Variants in PTPRS observed in about 807,000 individuals in gnomAD.
PTPRS encodes receptor-type tyrosine-protein phosphatase S.
In PTPRS, 63 loss-of-function variants were observed where a neutral mutation model predicts 215.3. That is an observed-to-expected ratio of 0.29 (90% CI 0.24 to 0.36). The LOEUF is 0.36. Among genes scored for constraint, PTPRS ranks in the 10% least tolerant of loss-of-function variants. PTPRS has a pLI of 1.00. For synonymous variants in PTPRS, 1,404 were observed against 1,191.4 expected, an observed-to-expected ratio of 1.18 and a Z score of -3.68; for missense variants, 2,258 against 2,825.8, an observed-to-expected ratio of 0.80 and a Z score of 4.56.
At chr19:5,313,490 C>T (rs1444405344) in intron 1 of PTPRS, among the ~76,000 whole-genome samples, 1 of 152,220 alleles carries the variant, frequency 6.6e-6, no homozygotes, top group East Asian at 1.9e-4. Flanking sequence ...AAACAAATCG[C>T]TGCCAGTCTC....
rs777230404 is a variant in PTPRS at position 5,214,403 on chromosome 19, G to A, written c.4572C>T (p.Ile1524=). 35 of 1,614,034 alleles carry A rather than the reference G, an allele frequency of 2.2e-5. No homozygotes were observed. Among genetic ancestry groups the A allele is most frequent in the South Asian group, 1.4e-4 (13 of 91,096 alleles). The change falls in exon 30 of 38, where the codon ATC becomes ATT. Residue 1524 remains isoleucine, a synonymous_variant. Transcript: ENST00000262963. The stretch of plus-strand genomic sequence containing the variant: ...TCCTGACGCAGAATGTGGCCAGCTC[G>A]ATGGTATCTAGCAACGTGACCTGGA... The part of the protein sequence containing the change: ...GFIQVTLLDT[I]ELATFCVRTF...
chr19:5,210,669 C>A lies in PTPRS; in HGVS notation c.5361+10G>T, dbSNP rs760692982. The A allele has an allele frequency of 6.2e-7, 1 of 1,614,166 alleles. No homozygotes were observed. ...GCCCTCGCCCTTCCCTGCTGTGGCCCCTAGCTCACCCGGCCCATCTCCCGC... is the reference window on the plus strand; with the variant it reads ...GCCCTCGCCCTTCCCTGCTGTGGCCACTAGCTCACCCGGCCCATCTCCCGC... On this transcript the variant is annotated intron_variant, in intron 34 of 37. Coordinates refer to ENST00000262963, the MANE Select transcript of PTPRS (RefSeq NM_002850.4). This position sits in a 1 kb window ranked among gnomAD's most constrained non-coding sequence, Gnocchi z 4.5.
chr19:5,244,050 T>C lies in PTPRS; in HGVS notation c.1421A>G (p.Asn474Ser). The change falls in exon 11 of 38, where the codon AAC becomes AGC. Residue 474 changes from asparagine to serine, a missense_variant. Transcript: ENST00000262963. The surrounding 1 kb of genome is among the most constrained non-coding windows in gnomAD (Gnocchi z 7.2). ...YTMEPEHPVG[N>S]WQKHNVDDSL... ...GTCGTCCACGTTGTGCTTCTGCCAG[T>C]TGCCCACGGGGTGCTCCGGTTCCAT... is the stretch of plus-strand genomic sequence containing the variant. The C allele has an allele frequency of 1.2e-6, 2 of 1,610,414 alleles. No individual in the cohort carries two copies. The highest frequency in any genetic ancestry group is 1.7e-6 in the Non-Finnish European group (2 of 1,179,900).
In PTPRS at chr19:5,244,971, T is replaced by TTTTTC. The variant is rs1311090703; in HGVS notation, c.989-494_989-490dup. On this transcript the variant is annotated intron_variant, in intron 10 of 37. Coordinates refer to ENST00000262963, the MANE Select transcript of PTPRS (RefSeq NM_002850.4). This position sits in a 1 kb window ranked among gnomAD's most constrained non-coding sequence, Gnocchi z 7.2. ...GTGTGAGCCACCGCACCCGGCCTTT[T>TTTTTC]TTTTCTTTTTTCTTTTTTTTTTTTT... is the stretch of plus-strand genomic sequence containing the variant. 1.4e-5 allele frequency among the ~76,000 whole-genome samples: 2 copies of TTTTTC among 145,820 alleles called. No individual in the cohort carries two copies. The highest frequency in any genetic ancestry group is 5.3e-5 in the African/African-American group (2 of 38,032).
At chr19:5,317,605 C>T (rs2049912165) in intron 1 of PTPRS, among the ~76,000 whole-genome samples, 1 of 152,214 alleles carries the variant, frequency 6.6e-6, no homozygotes, top group African/African-American at 2.4e-5. Flanking sequence ...AGATTTTCCA[C>T]TGGTCCAGGT....
rs945664700 is a variant in PTPRS, at chr19:5,326,581, G to A, written c.-95+14083C>T. Among the ~76,000 whole-genome samples, 3 of 152,078 alleles carry A rather than the reference G, an allele frequency of 2.0e-5. No individual in the cohort carries two copies. In the South Asian group the frequency reaches 6.2e-4, roughly 31 times the overall value. ...CGTGCCTGTAATCCCAGCGCTTTGC[G>A]AGGCTGAGGCGGGAGGATCGCCTGA... On this transcript the variant is annotated intron_variant, in intron 1 of 37. Coordinates refer to ENST00000262963, the MANE Select transcript of PTPRS (RefSeq NM_002850.4).
At chr19:5,327,920 C>A (rs1011699407) in intron 1 of PTPRS, among the ~76,000 whole-genome samples, 6 of 152,052 alleles carry the variant, frequency 3.9e-5, no homozygotes, top group African/African-American at 1.2e-4. Flanking sequence ...CTCTTAAAAT[C>A]ATCTGGCCCA....
At chr19:5,283,004 A>G (rs2047997697) in intron 2 of PTPRS, among the ~76,000 whole-genome samples, 3 of 152,206 alleles carry the variant, frequency 2.0e-5, no homozygotes, top group Non-Finnish European at 4.4e-5. Context: ...GGTATTGCCA[A>G]TATCAAAAAA....
intron 36 of PTPRS, 35 bp from the exon 37 acceptor site, chr19:5,208,092 G>A (rs571188959): frequency 2.7e-5 from 43 of 1,601,694 alleles, no homozygotes; most frequent in Non-Finnish European, 3.6e-5. Context: ...CCATTCAGGG[G>A]CAGGTGCTGG....
intron 7 of PTPRS, among the ~76,000 whole-genome samples, chr19:5,258,794 T>C (rs1377754613): frequency 6.6e-6 from 1 of 152,188 alleles, no homozygotes; most frequent in Non-Finnish European, 1.5e-5. Flanking sequence ...TCAAGTATGT[T>C]TGAGATCAAA....
chr19:5,223,017 C>G lies in PTPRS; in HGVS notation c.2775G>C (p.Glu925Asp). ...EEAAEVLSIP[E>D]DTPRGHPQIL... ...TCTGCGGGTGGCCACGGGGCGTGTC[C>G]TCCGGGATGCTCAGGACCTCGGCTG... is the stretch of plus-strand genomic sequence containing the variant. Residue 925 changes from glutamate to aspartate, a missense_variant, in exon 18 of 38, where the codon GAG becomes GAC. Physicochemically the swap from Glu to Asp is conservative, Grantham distance 45. Coordinates refer to ENST00000262963, the MANE Select transcript of PTPRS (RefSeq NM_002850.4). 7 of 1,544,344 alleles carry G rather than the reference C, an allele frequency of 4.5e-6. No individual in the cohort carries two copies. Among genetic ancestry groups the G allele is most frequent in the Non-Finnish European group, 6.1e-6 (7 of 1,147,056 alleles).
rs62115087 is a variant in PTPRS at position 5,237,901 on chromosome 19, C to T, written c.1849+1018G>A. Among the ~76,000 whole-genome samples, 33,177 of 151,998 alleles carry T rather than the reference C, an allele frequency of 0.22. 4,605 individuals carry two copies. The highest frequency in any genetic ancestry group is 0.32 in the Non-Finnish European group (21,834 of 67,932). ...AGGCGCCCCACCCCCCCGATCCCAG[C>T]GGCTCAGATGCCCCGGCTGGAGTTG... On this transcript the variant is annotated intron_variant, in intron 13 of 37. Transcript: ENST00000262963. This position sits in a 1 kb window ranked among gnomAD's most constrained non-coding sequence, Gnocchi z 4.2.
Position 5,287,677 on chromosome 19 carries a change from C to T in PTPRS, c.-94-1443G>A, listed in dbSNP as rs1175485438. Among the ~76,000 whole-genome samples, 2 of 152,098 alleles carry T rather than the reference C, an allele frequency of 1.3e-5. No individual in the cohort carries two copies. Among genetic ancestry groups the T allele is most frequent in the African/African-American group, 2.4e-5 (1 of 41,418 alleles). On this transcript the variant is annotated intron_variant, in intron 1 of 37. Transcript: ENST00000262963. This position sits in a 1 kb window ranked among gnomAD's most constrained non-coding sequence, Gnocchi z 4.8. The stretch of plus-strand genomic sequence containing the variant: ...CCAAAATACCCAGCTGCGGTCACCT[C>T]GCCCAGCCCTGGGGCGGTCCCAGGG...
rs182738254 is a variant in PTPRS, at chr19:5,331,869, G to A, written c.-95+8795C>T. Among the ~76,000 whole-genome samples the A allele has an allele frequency of 6.1e-4, 93 of 152,242 alleles. 1 individual carries two copies. Among genetic ancestry groups the A allele is most frequent in the African/African-American group, 2.0e-3 (83 of 41,548 alleles). ...AATATAATCAGAGCCAACGTTTATC[G>A]AGCGCGGACGCTGGCCCAGGCCCTG... On this transcript the variant is annotated intron_variant, in intron 1 of 37. Transcript: ENST00000262963.
intron 13 of PTPRS, among the ~76,000 whole-genome samples, chr19:5,238,144 C>T (rs1418474205): frequency 3.9e-5 from 6 of 152,220 alleles, no homozygotes; most frequent in Admixed American, 3.3e-4. Flanking sequence ...CTGGGCTGAG[C>T]GGAGCCAGGG....
chr19:5,312,899 C>A (rs559745365), intron 1 of PTPRS, among the ~76,000 whole-genome samples: 3 of 152,206 alleles, frequency 2.0e-5, no homozygotes, highest in Admixed American at 2.0e-4. Context: ...GGCTGCTGAG[C>A]CCCAAAACCT....
chr19:5,293,728 C>G lies in PTPRS; in HGVS notation c.-94-7494G>C, dbSNP rs976905059. 3.9e-5 allele frequency among the ~76,000 whole-genome samples: 6 copies of G among 152,154 alleles called. No homozygotes were observed. The highest frequency in any genetic ancestry group is 7.4e-5 in the Non-Finnish European group (5 of 68,020). ...GGGGGCGGGGGGCGTCCCCTCTTCC[C>G]CCTCTTAGACCAGAGGGTAGGGGAG... On this transcript the variant is annotated intron_variant, in intron 1 of 37. Transcript: ENST00000262963. This position sits in a 1 kb window ranked among gnomAD's most constrained non-coding sequence, Gnocchi z 8.4.
At chr19:5,329,673 G>A (rs1236395923) in intron 1 of PTPRS, among the ~76,000 whole-genome samples, 1 of 152,016 alleles carries the variant, frequency 6.6e-6, no homozygotes, top group Non-Finnish European at 1.5e-5. Flanking sequence ...GCTGAGGCAG[G>A]AGAATGGCGT....
chr19:5,265,517 A>G lies in PTPRS; in HGVS notation c.380-321T>C, dbSNP rs542626954. Among the ~76,000 whole-genome samples, 25 of 152,036 alleles carry G rather than the reference A, an allele frequency of 1.6e-4. No homozygotes were observed. The South Asian group carries it at 5.2e-3, about 32-fold the overall frequency. On this transcript the variant is annotated intron_variant, in intron 4 of 37. Coordinates refer to ENST00000262963, the MANE Select transcript of PTPRS (RefSeq NM_002850.4). ...CCACCACGCCTGGCTAATTTTTAAA[A>G]TTTTTGTAGAGAGGGGGTCTCGCTG... is the stretch of plus-strand genomic sequence containing the variant.
Sources: allele counts gnomAD v4.1 joint callset (sites outside exome capture counted in the v4.1 genomes callset), GRCh38; gene constraint gnomAD v4.1.1; non-coding constraint Gnocchi (gnomAD v3.1); transcripts MANE v1.5; gene names NCBI Gene and HGNC (gene_info 2026-07-23, HGNC 2026-07-21).